The following IGFBP5 variants were observed in gnomAD, a reference collection of about 807,000 sequenced individuals.
IGFBP5 encodes insulin like growth factor binding protein 5, also known as insulin-like growth factor-binding protein 5.
In IGFBP5, 12 loss-of-function variants were observed where a neutral mutation model predicts 28.0. The ratio of observed to expected loss-of-function variants is 0.43; its 90% confidence interval spans 0.27 to 0.69. The LOEUF is 0.69. Among genes scored for constraint, IGFBP5 ranks in the 30% least tolerant of loss-of-function variants. The pLI, the probability that IGFBP5 is intolerant of heterozygous loss-of-function variation, is 0.20. For synonymous variants in IGFBP5, 152 were observed against 150.2 expected (o/e 1.01, Z -0.09); for missense variants, 344 against 381.6 (o/e 0.90, Z 0.82).
intron 3 of IGFBP5, 24 bp from the exon 4 acceptor site, chr2:216,676,906 G>A (rs181668354): frequency 2.0e-5 from 33 of 1,612,208 alleles, no homozygotes; most frequent in South Asian, 1.2e-4. Flanking sequence ...AGCAACAGGC[G>A]GTGAGGACGG....
rs888187323 is a variant in IGFBP5, at chr2:216,695,084, TA to T, written c.-310del. 9 of 272,260 alleles carry T rather than the reference TA, an allele frequency of 3.3e-5. No individual in the cohort carries two copies. The highest frequency in any genetic ancestry group is 1.5e-4 in the African/African-American group (7 of 45,784). The allele number at this position is 272,260 out of a possible 1,614,324, so 16.9% of individuals were successfully genotyped here. A position where few individuals can be genotyped will look rare whatever the true frequency, so the allele number is the denominator to read the frequency against. On this transcript the variant is annotated 5_prime_UTR_variant, in exon 1 of 4. Coordinates refer to ENST00000233813, the MANE Select transcript of IGFBP5 (RefSeq NM_000599.4). ...CCCTCAAGCCTGAGCGGGTCAGAATTATAGGGGAAAAAAAGCCACAAAATTG... is the reference window on the plus strand; with the variant it reads ...CCCTCAAGCCTGAGCGGGTCAGAATTTAGGGGAAAAAAAGCCACAAAATTG...
rs1309781127 is a variant in IGFBP5 at position 216,676,677 on chromosome 2, G to C, written c.*74C>G. On this transcript the variant is annotated 3_prime_UTR_variant, in exon 4 of 4. Coordinates refer to ENST00000233813, the MANE Select transcript of IGFBP5 (RefSeq NM_000599.4). The stretch of plus-strand genomic sequence containing the variant: ...ATGAGATGAAATGAGTGGCGTCCTG[G>C]GGTGGAGGGAGGCGCTGGCTGGAGT... 2 of 937,586 alleles carry C rather than the reference G, an allele frequency of 2.1e-6. No homozygotes were observed. The highest frequency in any genetic ancestry group is 3.3e-6 in the Non-Finnish European group (2 of 602,812). The allele number at this position is 937,586 out of a possible 1,614,324, so 58.1% of individuals were successfully genotyped here. A position where few individuals can be genotyped will look rare whatever the true frequency, so the allele number is the denominator to read the frequency against.
chr2:216,678,303 CA>C, intron 2 of IGFBP5, 72 bp from the exon 3 acceptor site: 7 of 1,416,200 alleles, frequency 4.9e-6, no homozygotes, highest in African/African-American at 1.4e-5. Flanking sequence ...ACGAATGGCC[CA>C]GGGGGTGGGG....
In IGFBP5 at chr2:216,679,140, C is replaced by A; in HGVS notation, c.338-61G>T. The A allele has an allele frequency of 7.2e-7, 1 of 1,388,460 alleles. No individual in the cohort carries two copies. 86.0% of individuals were successfully genotyped at this position (1,388,460 alleles called of 1,614,324 possible). On this transcript the variant is annotated intron_variant, in intron 1 of 3. Coordinates refer to ENST00000233813, the MANE Select transcript of IGFBP5 (RefSeq NM_000599.4). The surrounding 1 kb of genome is among the most constrained non-coding windows in gnomAD (Gnocchi z 4.6). ...GGCCAAGGTGCACACGGCCAGAGCC[C>A]AGGGCTGGGCAGTTTGGGGTGAGGG...
At position 216,676,714 on chromosome 2, in the gene IGFBP5, GT is replaced by G. The variant is rs1688903801; in HGVS notation, c.*36del. 6.7e-7 allele frequency: 1 copy of G among 1,484,662 alleles called. No homozygotes were observed. The highest frequency in any genetic ancestry group is 9.2e-7 in the Non-Finnish European group (1 of 1,082,276). The allele number at this position is 1,484,662 out of a possible 1,614,324, so 92.0% of individuals were successfully genotyped here. A position where few individuals can be genotyped will look rare whatever the true frequency, so the allele number is the denominator to read the frequency against. On this transcript the variant is annotated 3_prime_UTR_variant, in exon 4 of 4. Transcript: ENST00000233813. ...GCGCTGGCTGGAGTCGGGGCTGGGG[GT>G]GGGAGGGGGTGAGGGAAAGGTTGGG...
intron 1 of IGFBP5, among the ~76,000 whole-genome samples, chr2:216,685,999 G>C (rs1175438874): frequency 7.0e-6 from 1 of 142,360 alleles, no homozygotes; most frequent in Non-Finnish European, 1.5e-5. Context: ...AACCTTTTAA[G>C]AAAAAAAAAA....
At position 216,679,227 on chromosome 2, in the gene IGFBP5, G is replaced by C. The variant is rs1209853505; in HGVS notation, c.338-148C>G. On this transcript the variant is annotated intron_variant, in intron 1 of 3. Transcript: ENST00000233813. This position sits in a 1 kb window ranked among gnomAD's most constrained non-coding sequence, Gnocchi z 4.6. ...CCTGGAGCACACCCTGAAAGCAGGG[G>C]GATAAGAACCAGGAAGCAGAGGGAA... 1 of 683,096 alleles carries C rather than the reference G, an allele frequency of 1.5e-6. No homozygotes were observed. The highest frequency in any genetic ancestry group is 2.7e-6 in the Non-Finnish European group (1 of 374,692). 42.3% of individuals were successfully genotyped at this position (683,096 alleles called of 1,614,324 possible). A position where few individuals can be genotyped will look rare whatever the true frequency, so the allele number is the denominator to read the frequency against.
At chr2:216,690,103 T>A (rs1234427730) in intron 1 of IGFBP5, among the ~76,000 whole-genome samples, 1 of 152,236 alleles carries the variant, frequency 6.6e-6, no homozygotes. Flanking sequence ...CATCCTTGTT[T>A]ATTTTATTAT....
intron 1 of IGFBP5, among the ~76,000 whole-genome samples, chr2:216,689,136 T>C (rs1024429673): frequency 2.6e-5 from 4 of 152,238 alleles, no homozygotes; most frequent in African/African-American, 7.2e-5. Context: ...CTGCTTTCTG[T>C]TGGCACCACG....
Position 216,694,610 on chromosome 2 carries a change from A to G in IGFBP5, c.166T>C (p.Cys56Arg). The G allele has an allele frequency of 6.5e-7, 1 of 1,541,026 alleles. No individual in the cohort carries two copies. Among genetic ancestry groups the G allele is most frequent in the Non-Finnish European group, 8.7e-7 (1 of 1,145,124 alleles). ...ELVKEPGCGCCMTCALAEGQS... is the reference protein window; with the variant it reads ...ELVKEPGCGCRMTCALAEGQS... ...CCCTCGGCCAGGGCGCAGGTCATGCAGCAGCCGCAGCCCGGCTCCTTGACC... is the reference window on the plus strand; with the variant it reads ...CCCTCGGCCAGGGCGCAGGTCATGCGGCAGCCGCAGCCCGGCTCCTTGACC... Residue 56 changes from cysteine (C) to arginine (R), a missense_variant, in exon 1 of 4, where the codon TGC becomes CGC. Cys to Arg is a radical substitution (Grantham distance 180, BLOSUM62 -3). This residue lies in a region of IGFBP5 where 304 missense variants were observed against 329.2 expected (regional missense o/e 0.92). Transcript: ENST00000233813. The surrounding 1 kb of genome is among the most constrained non-coding windows in gnomAD (Gnocchi z 5.2).
At position 216,678,278 on chromosome 2, in the gene IGFBP5, C is replaced by T. The variant is rs1272713493; in HGVS notation, c.568-47G>A. On this transcript the variant is annotated intron_variant, in intron 2 of 3. Transcript: ENST00000233813. ...AGGCGTGGCGAGACCAAGGGAAAAC[C>T]ACCCAGCTGCGCTGACGAATGGCCC... is the stretch of plus-strand genomic sequence containing the variant. 9 of 1,468,492 alleles carry T rather than the reference C, an allele frequency of 6.1e-6. No individual in the cohort carries two copies. The South Asian group carries it at 9.0e-5, about 15-fold the overall frequency. 91.0% of individuals were successfully genotyped at this position (1,468,492 alleles called of 1,614,324 possible). A position where few individuals can be genotyped will look rare whatever the true frequency, so the allele number is the denominator to read the frequency against.
Position 216,676,605 on chromosome 2 carries a change from G to A in IGFBP5, c.*146C>T, listed in dbSNP as rs544343853. 11 of 522,464 alleles carry A rather than the reference G, an allele frequency of 2.1e-5. No individual in the cohort carries two copies. Among genetic ancestry groups the A allele is most frequent in the African/African-American group, 1.2e-4 (6 of 50,372 alleles). The allele number at this position is 522,464 out of a possible 1,614,324, so 32.4% of individuals were successfully genotyped here. A position where few individuals can be genotyped will look rare whatever the true frequency, so the allele number is the denominator to read the frequency against. On this transcript the variant is annotated 3_prime_UTR_variant, in exon 4 of 4. Coordinates refer to ENST00000233813, the MANE Select transcript of IGFBP5 (RefSeq NM_000599.4). ...AAGTTGAGCCCTTGCTAGAGATTCCGAGGTCCTCAGTTTCCTCAAATAGAT... is the reference window on the plus strand; with the variant it reads ...AAGTTGAGCCCTTGCTAGAGATTCCAAGGTCCTCAGTTTCCTCAAATAGAT...
intron 1 of IGFBP5, among the ~76,000 whole-genome samples, chr2:216,681,829 C>G (rs533873882): frequency 3.9e-5 from 6 of 152,276 alleles, no homozygotes; most frequent in African/African-American, 1.4e-4. Context: ...CCTTTTGGGA[C>G]TTTTTCTAAG....
In IGFBP5 at chr2:216,694,446, G is replaced by C. The variant is rs754426472; in HGVS notation, c.330C>G (p.Val110=). Residue 110 remains valine, a synonymous_variant, in exon 1 of 4, where the codon GTC becomes GTG. Coordinates refer to ENST00000233813, the MANE Select transcript of IGFBP5 (RefSeq NM_000599.4). This position sits in a 1 kb window ranked among gnomAD's most constrained non-coding sequence, Gnocchi z 5.2. ...CLNEKSYREQ[V]KIERDSREHE... ...CACACTGAGCGCGCTCACCGATCTT[G>C]ACTTGCTCGCGGTAGCTCTTTTCGT... 2 of 1,558,148 alleles carry C rather than the reference G, an allele frequency of 1.3e-6. No individual in the cohort carries two copies. Among genetic ancestry groups the C allele is most frequent in the Non-Finnish European group, 1.7e-6 (2 of 1,156,292 alleles).
rs1342423070 is a variant in IGFBP5, at chr2:216,694,224, G to C, written c.337+215C>G. Among the ~76,000 whole-genome samples, 2 of 152,094 alleles carry C rather than the reference G, an allele frequency of 1.3e-5. No individual in the cohort carries two copies. The highest frequency in any genetic ancestry group is 4.8e-5 in the African/African-American group (2 of 41,420). ...GGCAACGTGTGGGTAGGAGGAAGGA[G>C]AAAGAGCGAAAGCTGGGATAGACTC... On this transcript the variant is annotated intron_variant, in intron 1 of 3. Coordinates refer to ENST00000233813, the MANE Select transcript of IGFBP5 (RefSeq NM_000599.4). This position sits in a 1 kb window ranked among gnomAD's most constrained non-coding sequence, Gnocchi z 5.2.
rs1334312200 is a variant in IGFBP5, at chr2:216,678,931, C to A, written c.486G>T (p.Gln162His). The change falls in exon 2 of 4, where the codon CAG becomes CAT. Residue 162 changes from glutamine (Q) to histidine (H), a missense_variant. By Grantham distance (24) the Gln-to-His change is conservative (BLOSUM62 0). Around this residue, in one of 3 missense-constraint regions of IGFBP5, gnomAD observed 304 missense variants for 329.2 expected, o/e 0.92. Transcript: ENST00000233813. ...VKKDRRKKLT[Q>H]SKFVGGAENT... ...TCTCGGCTCCCCCGACAAACTTGGA[C>A]TGGGTCAGCTTCTTTCTGCGGTCCT... The A allele has an allele frequency of 4.3e-6, 7 of 1,614,124 alleles. No homozygotes were observed. The highest frequency in any genetic ancestry group is 5.9e-6 in the Non-Finnish European group (7 of 1,180,054).
In IGFBP5 at chr2:216,695,064, A is replaced by C; in HGVS notation, c.-289T>G. On this transcript the variant is annotated 5_prime_UTR_variant, in exon 1 of 4. Transcript: ENST00000233813. Reference sequence around the variant, plus strand: ...GTGAGCGGAGGCCGGAGAAACCCTCAAGCCTGAGCGGGTCAGAATTATAGG... The same window carrying C: ...GTGAGCGGAGGCCGGAGAAACCCTCCAGCCTGAGCGGGTCAGAATTATAGG... 3.2e-6 allele frequency: 1 copy of C among 314,790 alleles called. No individual in the cohort carries two copies. The highest frequency in any genetic ancestry group is 5.8e-6 in the Non-Finnish European group (1 of 173,132). 19.5% of individuals were successfully genotyped at this position (314,790 alleles called of 1,614,324 possible). A position where few individuals can be genotyped will look rare whatever the true frequency, so the allele number is the denominator to read the frequency against.
At chr2:216,680,555 CA>C (rs1370450791) in intron 1 of IGFBP5, among the ~76,000 whole-genome samples, 1 of 152,192 alleles carries the variant, frequency 6.6e-6, no homozygotes, top group Non-Finnish European at 1.5e-5. Flanking sequence ...GGCAGGATGG[CA>C]GGTGGCAGGA....
intron 1 of IGFBP5, among the ~76,000 whole-genome samples, chr2:216,684,998 C>T (rs191932022): frequency 2.2e-3 from 334 of 152,280 alleles, no homozygotes; most frequent in African/African-American, 7.3e-3. Context: ...TAATGTACTA[C>T]TTAGGCCAGG....
Sources: gnomAD v4.1 joint callset for allele counts (sites outside exome capture counted in the v4.1 genomes callset) on GRCh38, gnomAD v4.1.1 for gene constraint, gnomAD v4.1.1 regional missense constraint, Gnocchi (gnomAD v3.1) non-coding constraint, MANE v1.5 for transcripts, NCBI Gene and HGNC (gene_info 2026-07-23, HGNC 2026-07-21) for gene names.